The following SMIM14 variants were observed in gnomAD, a reference collection of about 807,000 sequenced individuals.
The protein encoded by SMIM14 is chromosome 4 open reading frame 34.
In SMIM14, 5 loss-of-function variants were observed where a neutral mutation model predicts 12.6. The ratio of observed to expected loss-of-function variants is 0.40; its 90% CI spans 0.21 to 0.83. The LOEUF (loss-of-function observed/expected upper bound fraction) is 0.83. Among genes scored for constraint, SMIM14 ranks in the 40% least tolerant of loss-of-function variants. SMIM14 has a pLI of 0.37. For missense variants in SMIM14, 86 were observed against 119.1 expected, an observed-to-expected ratio of 0.72 and a Z score of 1.29; for synonymous variants, 30 against 40.1, an observed-to-expected ratio of 0.75 and a Z score of 0.95.
intron 2 of SMIM14, among the ~76,000 whole-genome samples, chr4:39,590,773 G>A (rs1322962303): frequency 2.0e-5 from 3 of 148,662 alleles, no homozygotes; most frequent in Non-Finnish European, 3.0e-5. Flanking sequence ...TTGCACTCCC[G>A]CTTGGGAGAC....
intron 2 of SMIM14, among the ~76,000 whole-genome samples, chr4:39,584,494 A>AAAAAAAAAAAAAC (rs1713679397): frequency 7.1e-6 from 1 of 140,412 alleles, no homozygotes; most frequent in African/African-American, 2.5e-5. Flanking sequence ...AAAAAAAAAA[A>AAAAAAAAAAAAAC]AAAAAAAAAA....
intron 2 of SMIM14, among the ~76,000 whole-genome samples, chr4:39,581,838 C>T (rs960000091): frequency 4.6e-5 from 7 of 151,434 alleles, no homozygotes; most frequent in Non-Finnish European, 1.0e-4. Flanking sequence ...GCTGGGATTA[C>T]AGGCGTGAGC....
At chr4:39,622,650 T>A (rs1480686648) in intron 1 of SMIM14, among the ~76,000 whole-genome samples, 1 of 152,240 alleles carries the variant, frequency 6.6e-6, no homozygotes, top group Admixed American at 6.5e-5. Context: ...ATCCGCCGCC[T>A]CTGCCTCCCC....
intron 2 of SMIM14, among the ~76,000 whole-genome samples, chr4:39,591,541 G>C (rs28480020): frequency 6.6e-6 from 1 of 152,016 alleles, no homozygotes; most frequent in African/African-American, 2.4e-5. Context: ...TCTTGAACTT[G>C]AACACTGTTA....
chr4:39,610,880 C>T (rs1361285881), intron 1 of SMIM14, among the ~76,000 whole-genome samples: 1 of 151,868 alleles, frequency 6.6e-6, no homozygotes, highest in Non-Finnish European at 1.5e-5. Flanking sequence ...ACATACATAA[C>T]TACAAGAAGA....
At chr4:39,609,070 G>A (rs955059606) in intron 1 of SMIM14, among the ~76,000 whole-genome samples, 2 of 152,178 alleles carry the variant, frequency 1.3e-5, no homozygotes, top group South Asian at 2.1e-4. Context: ...TCCACCTCCC[G>A]AATTCAAGCC....
At chr4:39,626,426 T>G (rs1715701173) in intron 1 of SMIM14, among the ~76,000 whole-genome samples, 1 of 152,204 alleles carries the variant, frequency 6.6e-6, no homozygotes. Context: ...AGGAAAGAAC[T>G]GAGGCTCTGA....
chr4:39,578,080 TA>T (rs34997963), intron 2 of SMIM14, among the ~76,000 whole-genome samples: 36,533 of 152,152 alleles, frequency 0.24, 5,661 homozygotes, highest in Middle Eastern at 0.36. Flanking sequence ...GGGTAAATCG[TA>T]GTCTTTTAAA....
chr4:39,576,295 G>A (rs1431052078), intron 2 of SMIM14, among the ~76,000 whole-genome samples: 2 of 151,600 alleles, frequency 1.3e-5, no homozygotes, highest in African/African-American at 4.8e-5. Flanking sequence ...AATGAAAATA[G>A]CATGGTATGA....
chr4:39,617,940 A>G (rs561024108), intron 1 of SMIM14, among the ~76,000 whole-genome samples: 3 of 152,356 alleles, frequency 2.0e-5, no homozygotes, highest in Admixed American at 6.5e-5. Flanking sequence ...GACAATGCCT[A>G]AACTAGTTTT....
At chr4:39,624,809 C>A (rs1446133101) in intron 1 of SMIM14, among the ~76,000 whole-genome samples, 4 of 121,448 alleles carry the variant, frequency 3.3e-5, no homozygotes, top group Admixed American at 2.7e-4. Flanking sequence ...GAGCAAGACA[C>A]CATCTCGAAA....
intron 2 of SMIM14, among the ~76,000 whole-genome samples, chr4:39,578,778 C>T (rs1451593039): frequency 6.6e-6 from 1 of 151,852 alleles, no homozygotes; most frequent in Non-Finnish European, 1.5e-5. Context: ...GGTGGATCGC[C>T]TGAGGTCAGG....
At chr4:39,568,210 C>T (rs141885592) in intron 3 of SMIM14, among the ~76,000 whole-genome samples, 4,090 of 150,394 alleles carry the variant, frequency 0.027, 71 homozygotes, top group Non-Finnish European at 0.036. Context: ...GCCTGGGAGG[C>T]GGAAGTTGCA....
chr4:39,614,713 A>G (rs1447233269), intron 1 of SMIM14, among the ~76,000 whole-genome samples: 1 of 152,066 alleles, frequency 6.6e-6, no homozygotes, highest in Non-Finnish European at 1.5e-5. Flanking sequence ...TAGCAATCTG[A>G]CTCCAGGTAT....
intron 1 of SMIM14, among the ~76,000 whole-genome samples, chr4:39,620,620 C>T (rs1715450812): frequency 6.6e-6 from 1 of 152,170 alleles, no homozygotes; most frequent in Non-Finnish European, 1.5e-5. Flanking sequence ...TAGGCGTGAG[C>T]CATTGTGCCC....
In SMIM14 at chr4:39,605,101, A is replaced by T; in HGVS notation, c.45T>A (p.His15Gln). The change falls in exon 2 of 5, where the codon CAT (histidine) becomes CAA (glutamine). Residue 15 changes from histidine to glutamine, a missense_variant. Coordinates refer to ENST00000295958, the MANE Select transcript of SMIM14 (RefSeq NM_174921.3). ...GFDPCECVCS[H>Q]EHAMRRLINL... ...TGATCAGTCTTCTCATTGCATGTTC[A>T]TGAGAGCAAACACATTCACAGGGAT... 6.2e-7 allele frequency: 1 copy of T among 1,610,296 alleles called. No individual in the cohort carries two copies. Among genetic ancestry groups the T allele is most frequent in the Non-Finnish European group, 8.5e-7 (1 of 1,178,864 alleles).
At chr4:39,602,864 A>G (rs545934598) in intron 2 of SMIM14, among the ~76,000 whole-genome samples, 10 of 152,362 alleles carry the variant, frequency 6.6e-5, no homozygotes, top group African/African-American at 2.2e-4. Flanking sequence ...TAGCAACACT[A>G]AGCAAGCAGA....
chr4:39,628,013 A>G lies in SMIM14; in HGVS notation c.-36+10726T>C, dbSNP rs1715760506. Among the ~76,000 whole-genome samples, 3 of 152,204 alleles carry G rather than the reference A, an allele frequency of 2.0e-5. No homozygotes were observed. The South Asian group carries it at 6.2e-4, about 32-fold the overall frequency. On this transcript the variant is annotated intron_variant, in intron 1 of 4. Transcript: ENST00000295958. ...CTGTGTCATGGAGAGAAAATTTTTTAATCCTAAAAAAAAGGCTAGGCGTGG... is the reference window on the plus strand; with the variant it reads ...CTGTGTCATGGAGAGAAAATTTTTTGATCCTAAAAAAAAGGCTAGGCGTGG...
chr4:39,620,246 G>A (rs547248334), intron 1 of SMIM14, among the ~76,000 whole-genome samples: 14 of 151,704 alleles, frequency 9.2e-5, no homozygotes, highest in Middle Eastern at 6.8e-3. Flanking sequence ...TTGGGAGACC[G>A]AGGCGGGCGG....
Sources: allele counts gnomAD v4.1 joint callset (sites outside exome capture counted in the v4.1 genomes callset), GRCh38; gene constraint gnomAD v4.1.1; transcripts MANE v1.5; gene names NCBI Gene and HGNC (gene_info 2026-07-23, HGNC 2026-07-21).